Variants in COMMD1 observed in about 807,000 individuals in gnomAD.
The protein encoded by COMMD1 is COMM domain-containing protein 1.
Under a neutral mutation model 17.2 loss-of-function variants are expected in COMMD1, and 10 were observed. The observed-to-expected ratio is 0.58, with a 90% CI of 0.36 to 0.99. The LOEUF (loss-of-function observed/expected upper bound fraction) is 0.99, where lower values mean the gene tolerates loss of function less well. COMMD1 is among the 50% of genes least tolerant of loss of function. The pLI, the probability that COMMD1 is intolerant of heterozygous loss-of-function variation, is 0.01. For synonymous variants in COMMD1, 97 were observed against 91.6 expected (o/e 1.06, Z -0.34); for missense variants, 270 against 231.8 (o/e 1.17, Z -1.07).
intron 2 of COMMD1, among the ~76,000 whole-genome samples, chr2:62,104,002 G>A (rs552525164): frequency 1.3e-4 from 20 of 151,974 alleles, no homozygotes; most frequent in South Asian, 4.2e-4. Flanking sequence ...CACCACACTC[G>A]GCTAATATTT....
intron 2 of COMMD1, among the ~76,000 whole-genome samples, chr2:62,097,077 C>T (rs1672033230): frequency 6.6e-6 from 1 of 152,166 alleles, no homozygotes; most frequent in African/African-American, 2.4e-5. Context: ...AAATCAGTAA[C>T]AGAGAAGTGG....
chr2:62,033,762 G>A (rs928885382), intron 2 of COMMD1, among the ~76,000 whole-genome samples: 3 of 151,970 alleles, frequency 2.0e-5, no homozygotes, highest in African/African-American at 4.8e-5. Context: ...CTCATCAAAT[G>A]GTGTGACTGC....
At chr2:62,115,579 T>C (rs145989295) in intron 2 of COMMD1, among the ~76,000 whole-genome samples, 1 of 152,332 alleles carries the variant, frequency 6.6e-6, no homozygotes, top group African/African-American at 2.4e-5. Flanking sequence ...AGGGTATTAC[T>C]GGGGCATTTG....
At chr2:62,051,600 A>T (rs77923969) in intron 2 of COMMD1, among the ~76,000 whole-genome samples, 1 of 152,132 alleles carries the variant, frequency 6.6e-6, no homozygotes, top group African/African-American at 2.4e-5. Flanking sequence ...TACATAATGT[A>T]TCCCATTGGT....
chr2:62,000,744 T>C lies in COMMD1; in HGVS notation c.224T>C (p.Phe75Ser). 1 of 1,614,198 alleles carries C rather than the reference T, an allele frequency of 6.2e-7. No homozygotes were observed. Reference protein sequence around the residue: ...ADMDFNQLEAFLTAQTKKQGG... With the variant: ...ADMDFNQLEASLTAQTKKQGG... Reference sequence around the variant, plus strand: ...ATGGATTTCAACCAGCTGGAGGCATTCTTGACTGCTCAAACCAAAAAGCAA... The same window carrying C: ...ATGGATTTCAACCAGCTGGAGGCATCCTTGACTGCTCAAACCAAAAAGCAA... The change falls in exon 2 of 3, where the codon TTC becomes TCC. Residue 75 changes from phenylalanine (F) to serine (S), a missense_variant. By Grantham distance (155) the Phe-to-Ser change is radical. Transcript: ENST00000311832.
intron 2 of COMMD1, among the ~76,000 whole-genome samples, chr2:62,034,025 G>A (rs1044933038): frequency 1.4e-5 from 2 of 146,854 alleles, no homozygotes; most frequent in Non-Finnish European, 3.0e-5. Context: ...TGGTAGGATC[G>A]CTGGAGCCTA....
intron 2 of COMMD1, among the ~76,000 whole-genome samples, chr2:62,063,171 C>T (rs974222869): frequency 6.6e-6 from 1 of 152,034 alleles, no homozygotes; most frequent in South Asian, 2.1e-4. Flanking sequence ...GAGCCGAGAT[C>T]GCACCACTGC....
intron 1 of COMMD1, among the ~76,000 whole-genome samples, chr2:61,924,157 A>G (rs1417694084): frequency 1.3e-5 from 2 of 152,300 alleles, no homozygotes; most frequent in East Asian, 3.9e-4. Context: ...GCAGTGTTTC[A>G]GGTGGGTTTA....
intron 2 of COMMD1, among the ~76,000 whole-genome samples, chr2:62,027,117 G>A (rs991594185): frequency 3.3e-5 from 5 of 152,104 alleles, no homozygotes; most frequent in Non-Finnish European, 5.9e-5. Flanking sequence ...AAAATCACTA[G>A]CCTAAAAGTG....
chr2:62,038,607 G>T (rs1670103909), intron 2 of COMMD1, among the ~76,000 whole-genome samples: 1 of 151,824 alleles, frequency 6.6e-6, no homozygotes, highest in African/African-American at 2.4e-5. Context: ...GAGTACAGTG[G>T]CACGATCTTG....
At chr2:61,990,903 TACAC>T (rs34009777) in intron 1 of COMMD1, among the ~76,000 whole-genome samples, 43 of 116,164 alleles carry the variant, frequency 3.7e-4, no homozygotes, top group South Asian at 1.9e-3. Flanking sequence ...TATATATATA[TACAC>T]ACACACACAC....
At chr2:61,940,891 TGTTAGCCAGGATGGTCTCGATC>T (rs932009035) in intron 1 of COMMD1, among the ~76,000 whole-genome samples, 17 of 151,436 alleles carry the variant, frequency 1.1e-4, no homozygotes, top group Non-Finnish European at 1.9e-4. Flanking sequence ...GGTTTCACCG[TGTTAGCCAGGATGGTCTCGATC>T]TCCTGACCTC....
intron 2 of COMMD1, among the ~76,000 whole-genome samples, chr2:62,075,027 C>A (rs192822473): frequency 6.6e-6 from 1 of 151,394 alleles, no homozygotes; most frequent in Admixed American, 6.6e-5. Flanking sequence ...GTAGCTGGAA[C>A]TACAGGTGCA....
intron 1 of COMMD1, among the ~76,000 whole-genome samples, chr2:61,967,062 TATCAAATGTAACC>T (rs1671526308): frequency 6.6e-6 from 1 of 152,274 alleles, no homozygotes; most frequent in African/African-American, 2.4e-5. Flanking sequence ...CTTTTTCCCT[TATCAAATGTAACC>T]AGGATCTTTA....
intron 2 of COMMD1, among the ~76,000 whole-genome samples, chr2:62,096,057 T>A (rs1672000402): frequency 6.6e-6 from 1 of 151,720 alleles, no homozygotes; most frequent in Non-Finnish European, 1.5e-5. Flanking sequence ...AAAGTTTGTA[T>A]CACAATATAT....
chr2:62,109,607 A>T (rs1672401339), intron 2 of COMMD1, among the ~76,000 whole-genome samples: 1 of 152,210 alleles, frequency 6.6e-6, no homozygotes, highest in Non-Finnish European at 1.5e-5. Flanking sequence ...AATTCCCATG[A>T]GGTGATAGAA....
At chr2:61,993,205 A>G (rs1668641746) in intron 1 of COMMD1, among the ~76,000 whole-genome samples, 1 of 152,228 alleles carries the variant, frequency 6.6e-6, no homozygotes, top group Non-Finnish European at 1.5e-5. Flanking sequence ...GAGGGAGTCC[A>G]CACTTAGTTT....
chr2:61,955,445 T>A (rs1671173676), intron 1 of COMMD1, among the ~76,000 whole-genome samples: 1 of 152,148 alleles, frequency 6.6e-6, no homozygotes, highest in Admixed American at 6.6e-5. Flanking sequence ...TAACTTCTTT[T>A]CTTTTGAACT....
At chr2:61,993,275 A>G (rs1668644654) in intron 1 of COMMD1, among the ~76,000 whole-genome samples, 1 of 152,246 alleles carries the variant, frequency 6.6e-6, no homozygotes, top group African/African-American at 2.4e-5. Context: ...GGGACATATT[A>G]TTAGAGAATT....
Sources: gnomAD v4.1 joint callset for allele counts (sites outside exome capture counted in the v4.1 genomes callset) on GRCh38, gnomAD v4.1.1 for gene constraint, MANE v1.5 for transcripts, NCBI Gene and HGNC (gene_info 2026-07-23, HGNC 2026-07-21) for gene names.